The following MINK1 variants were observed in gnomAD, a reference collection of about 807,000 sequenced individuals.
MINK1 encodes the protein misshapen-like kinase 1.
Under a neutral mutation model 178.4 loss-of-function variants are expected in MINK1, and 46 were observed. The observed-to-expected ratio is 0.26, with a 90% confidence interval of 0.20 to 0.33. MINK1 has a LOEUF of 0.33. MINK1 is among the 10% of genes least tolerant of loss of function. The probability of loss-of-function intolerance (pLI) is 1.00; values close to 1 mark genes in which losing one functional copy is unlikely to be tolerated. For synonymous variants in MINK1, 797 were observed against 709.7 expected (o/e 1.12, Z -1.96); for missense variants, 1,366 against 1,814.9 (o/e 0.75, Z 4.49).
In MINK1 at chr17:4,836,027, T is replaced by C. The variant is rs1909258955; in HGVS notation, c.57+2387T>C. On this transcript the variant is annotated intron_variant, in intron 1 of 31. Coordinates refer to ENST00000355280, the MANE Select transcript of MINK1 (RefSeq NM_153827.5). This position sits in a 1 kb window ranked among gnomAD's most constrained non-coding sequence, Gnocchi z 4.3. Reference sequence around the variant, plus strand: ...GACATGGGGCTAGCCAGGGCCTACCTTCTCCCTGCTGCAGACCTTTTCTCA... The same window carrying C: ...GACATGGGGCTAGCCAGGGCCTACCCTCTCCCTGCTGCAGACCTTTTCTCA... Among the ~76,000 whole-genome samples, 2 of 152,158 alleles carry C rather than the reference T, an allele frequency of 1.3e-5. No individual in the cohort carries two copies. Among genetic ancestry groups the C allele is most frequent in the African/African-American group, 4.8e-5 (2 of 41,442 alleles).
chr17:4,862,797 C>T (rs573240004), intron 1 of MINK1, among the ~76,000 whole-genome samples: 3 of 152,176 alleles, frequency 2.0e-5, no homozygotes, highest in Non-Finnish European at 2.9e-5. Flanking sequence ...TTTGTGTGTC[C>T]GAGGCAGCAG....
chr17:4,894,442 G>T lies in MINK1; in HGVS notation c.2809-83G>T. The T allele has an allele frequency of 6.6e-7, 1 of 1,520,572 alleles. No homozygotes were observed. The highest frequency in any genetic ancestry group is 8.9e-7 in the Non-Finnish European group (1 of 1,119,636). 94.2% of individuals were successfully genotyped at this position (1,520,572 alleles called of 1,614,324 possible). A position where few individuals can be genotyped will look rare whatever the true frequency, so the allele number is the denominator to read the frequency against. ...GGACAGCGGGGGTGCCAGTTGGGGA[G>T]CTGGAGCCTGGGGAACAGCAGCAGG... is the stretch of plus-strand genomic sequence containing the variant. On this transcript the variant is annotated intron_variant, in intron 23 of 31. Transcript: ENST00000355280. This position sits in a 1 kb window ranked among gnomAD's most constrained non-coding sequence, Gnocchi z 4.1.
In MINK1 at chr17:4,852,754, G is replaced by A. The variant is rs1169617343; in HGVS notation, c.57+19114G>A. On this transcript the variant is annotated intron_variant, in intron 1 of 31. Coordinates refer to ENST00000355280, the MANE Select transcript of MINK1 (RefSeq NM_153827.5). The stretch of plus-strand genomic sequence containing the variant: ...GAGGGAGACAGAATCTACTGGGTGG[G>A]GGGGGTGTGATTTGTGGGGGAGTGT... Among the ~76,000 whole-genome samples the A allele has an allele frequency of 2.5e-4, 13 of 52,186 alleles. 1 individual carries two copies. Among genetic ancestry groups the A allele is most frequent in the African/African-American group, 1.1e-3 (12 of 10,796 alleles). 34.2% of individuals were successfully genotyped at this position (52,186 alleles called of 152,430 possible). A position where few individuals can be genotyped will look rare whatever the true frequency, so the allele number is the denominator to read the frequency against.
Position 4,896,656 on chromosome 17 carries a change from C to G in MINK1, c.3776-18C>G. ...CCCCGGGGTGCAGCCTGCTCAGCCC[C>G]TCACCTGTTCCCCACAGCCTACATC... On this transcript the variant is annotated intron_variant, in intron 30 of 31. Coordinates refer to ENST00000355280, the MANE Select transcript of MINK1 (RefSeq NM_153827.5). This position sits in a 1 kb window ranked among gnomAD's most constrained non-coding sequence, Gnocchi z 4.6. 1 of 1,604,950 alleles carries G rather than the reference C, an allele frequency of 6.2e-7. No homozygotes were observed.
At chr17:4,893,272 G>A in intron 20 of MINK1, 162 bp from the exon 21 acceptor site, 1 of 1,613,722 alleles carries the variant, frequency 6.2e-7, no homozygotes, top group South Asian at 1.1e-5. Context: ...TTCTTCCCCT[G>A]CGGCCCCTCC....
At chr17:4,863,195 G>A (rs554949004) in intron 1 of MINK1, among the ~76,000 whole-genome samples, 114 of 152,286 alleles carry the variant, frequency 7.5e-4, no homozygotes, top group Admixed American at 2.7e-3. Flanking sequence ...TGGTAACAGC[G>A]GGGGATAGCT....
At chr17:4,889,213 CCT>C (rs1968523713) in intron 12 of MINK1, among the ~76,000 whole-genome samples, 1 of 152,164 alleles carries the variant, frequency 6.6e-6, no homozygotes, top group Non-Finnish European at 1.5e-5. Flanking sequence ...GGGCCAGGTC[CCT>C]CTTTTCTGTG....
intron 1 of MINK1, among the ~76,000 whole-genome samples, chr17:4,860,534 A>G (rs1200675435): frequency 1.3e-5 from 2 of 152,208 alleles, no homozygotes; most frequent in African/African-American, 4.8e-5. Flanking sequence ...TACTACTACT[A>G]CACTAACATG....
rs1968213192 is a variant in MINK1, at chr17:4,886,482, T to C, written c.805T>C (p.Cys269Arg). Reference protein sequence around the residue: ...SKKFIDFIDTCLIKTYLSRPP... With the variant: ...SKKFIDFIDTRLIKTYLSRPP... The stretch of plus-strand genomic sequence containing the variant: ...GAAGTTCATTGACTTCATTGACACA[T>C]GTCTCATCAAGACTTACCTGAGCCG... Residue 269 changes from cysteine to arginine, a missense_variant, in exon 10 of 32, where the codon TGT (cysteine) becomes CGT (arginine). By Grantham distance (180) the Cys-to-Arg change is radical (BLOSUM62 -3). Coordinates refer to ENST00000355280, the MANE Select transcript of MINK1 (RefSeq NM_153827.5). This position sits in a 1 kb window ranked among gnomAD's most constrained non-coding sequence, Gnocchi z 6.1. The C allele has an allele frequency of 6.2e-7, 1 of 1,611,722 alleles. No homozygotes were observed. Among genetic ancestry groups the C allele is most frequent in the Admixed American group, 1.7e-5 (1 of 59,632 alleles).
intron 1 of MINK1, among the ~76,000 whole-genome samples, chr17:4,866,743 G>T (rs1915039020): frequency 6.6e-6 from 1 of 152,054 alleles, no homozygotes; most frequent in South Asian, 2.1e-4. Context: ...CTGCACTCCA[G>T]CCTGGGTGAC....
At chr17:4,865,997 G>A (rs1914903494) in intron 1 of MINK1, among the ~76,000 whole-genome samples, 1 of 152,192 alleles carries the variant, frequency 6.6e-6, no homozygotes, top group South Asian at 2.1e-4. Flanking sequence ...AATTGTAGAG[G>A]TTATTAATGT....
At position 4,887,864 on chromosome 17, in the gene MINK1, A is replaced by G. The variant is rs552296890; in HGVS notation, c.1230+74A>G. 367 of 1,248,274 alleles carry G rather than the reference A, an allele frequency of 2.9e-4. No homozygotes were observed. The African/African-American group carries it at 5.1e-3, about 17-fold the overall frequency. The allele number at this position is 1,248,274 out of a possible 1,614,324, so 77.3% of individuals were successfully genotyped here. A position where few individuals can be genotyped will look rare whatever the true frequency, so the allele number is the denominator to read the frequency against. On this transcript the variant is annotated intron_variant, in intron 12 of 31. Transcript: ENST00000355280. This position sits in a 1 kb window ranked among gnomAD's most constrained non-coding sequence, Gnocchi z 7.6. ...TGCCCCGGGTCCATTAGGGCCTTGG[A>G]GAACAGGTTTTAAAATGCCTTAAAT... is the stretch of plus-strand genomic sequence containing the variant.
Position 4,833,741 on chromosome 17 carries a change from A to T in MINK1, c.57+101A>T. 1 of 1,028,822 alleles carries T rather than the reference A, an allele frequency of 9.7e-7. No individual in the cohort carries two copies. The highest frequency in any genetic ancestry group is 3.7e-5 in the Admixed American group (1 of 27,368). The allele number at this position is 1,028,822 out of a possible 1,614,324, so 63.7% of individuals were successfully genotyped here. A position where few individuals can be genotyped will look rare whatever the true frequency, so the allele number is the denominator to read the frequency against. On this transcript the variant is annotated intron_variant, in intron 1 of 31. Coordinates refer to ENST00000355280, the MANE Select transcript of MINK1 (RefSeq NM_153827.5). This position sits in a 1 kb window ranked among gnomAD's most constrained non-coding sequence, Gnocchi z 4.8. The stretch of plus-strand genomic sequence containing the variant: ...TCACGTGCTCCCGGGCGCCCCCTCC[A>T]CCAGCTTGGGTCCCCTTGGCGACCC...
Position 4,885,511 on chromosome 17 carries a change from C to T in MINK1, c.537C>T (p.Asp179=). Reference sequence around the variant, plus strand: ...ATTTTGGGGTGAGTGCTCAGCTGGACCGCACCGTGGGCAGACGGAACACTT... The same window carrying T: ...ATTTTGGGGTGAGTGCTCAGCTGGATCGCACCGTGGGCAGACGGAACACTT... ...LVDFGVSAQL[D]RTVGRRNTFI... Residue 179 remains aspartate (D), a synonymous_variant, in exon 7 of 32, where the codon GAC becomes GAT. Transcript: ENST00000355280. This position sits in a 1 kb window ranked among gnomAD's most constrained non-coding sequence, Gnocchi z 5.0. The T allele has an allele frequency of 6.2e-7, 1 of 1,613,912 alleles. No homozygotes were observed. The highest frequency in any genetic ancestry group is 2.2e-5 in the East Asian group (1 of 44,878).
Position 4,884,536 on chromosome 17 carries a change from G to T in MINK1, c.417+63G>T. 7 of 1,246,034 alleles carry T rather than the reference G, an allele frequency of 5.6e-6. No homozygotes were observed. In the South Asian group the frequency reaches 8.5e-5, roughly 15 times the overall value. The allele number at this position is 1,246,034 out of a possible 1,614,324, so 77.2% of individuals were successfully genotyped here. On this transcript the variant is annotated intron_variant, in intron 5 of 31. Transcript: ENST00000355280. ...TACCCTGGCTGGAGTTTCTCCATGA[G>T]CAAAGATCCTCCCTGCGCTGGGAGG...
In MINK1 at chr17:4,833,569, T is replaced by C. The variant is rs1298689856; in HGVS notation, c.-15T>C. 7 of 1,495,102 alleles carry C rather than the reference T, an allele frequency of 4.7e-6. No individual in the cohort carries two copies. In the African/African-American group the frequency reaches 7.3e-5, roughly 16 times the overall value. 92.6% of individuals were successfully genotyped at this position (1,495,102 alleles called of 1,614,324 possible). A position where few individuals can be genotyped will look rare whatever the true frequency, so the allele number is the denominator to read the frequency against. On this transcript the variant is annotated 5_prime_UTR_variant, in exon 1 of 32. Coordinates refer to ENST00000355280, the MANE Select transcript of MINK1 (RefSeq NM_153827.5). The surrounding 1 kb of genome is among the most constrained non-coding windows in gnomAD (Gnocchi z 4.8). ...GAGCGTGAGCGGCCCCGGTGCCCCG[T>C]TCCCCACGGAGGCCATGGGCGACCC...
chr17:4,841,710 C>T (rs1910251772), intron 1 of MINK1, among the ~76,000 whole-genome samples: 1 of 152,110 alleles, frequency 6.6e-6, no homozygotes, highest in Non-Finnish European at 1.5e-5. Flanking sequence ...ATGCTGAGCA[C>T]ACAGTAGGGG....
At position 4,892,514 on chromosome 17, in the gene MINK1, T is replaced by C; in HGVS notation, c.2198+2T>C. On this transcript the variant is annotated splice_donor_variant, in intron 18 of 31. Coordinates refer to ENST00000355280, the MANE Select transcript of MINK1 (RefSeq NM_153827.5). LOFTEE classifies it high-confidence loss of function. Reference sequence around the variant, plus strand: ...CCCTGGCCCGCCCAACGCCTCTAGGTAATAGAGTTGTCCCCCAACTCACTC... The same window carrying C: ...CCCTGGCCCGCCCAACGCCTCTAGGCAATAGAGTTGTCCCCCAACTCACTC... 1.3e-6 allele frequency: 2 copies of C among 1,551,872 alleles called. No individual in the cohort carries two copies. The highest frequency in any genetic ancestry group is 1.7e-6 in the Non-Finnish European group (2 of 1,144,536).
chr17:4,896,677 A>G lies in MINK1; in HGVS notation c.3779A>G (p.Tyr1260Cys), dbSNP rs1424013724. The G allele has an allele frequency of 6.2e-7, 1 of 1,601,300 alleles. No individual in the cohort carries two copies. Among genetic ancestry groups the G allele is most frequent in the Non-Finnish European group, 8.5e-7 (1 of 1,172,470 alleles). ...GCCCCTCACCTGTTCCCCACAGCCT[A>G]CATCTGCTCCAACCAGATAATGGGC... is the stretch of plus-strand genomic sequence containing the variant. Reference protein sequence around the residue: ...QWGEMPTSVAYICSNQIMGWG... With the variant: ...QWGEMPTSVACICSNQIMGWG... The change falls in exon 31 of 32, where the codon TAC becomes TGC. Residue 1260 changes from tyrosine (Y) to cysteine (C), a missense_variant. Transcript: ENST00000355280. The surrounding 1 kb of genome is among the most constrained non-coding windows in gnomAD (Gnocchi z 4.6).
Sources: allele counts gnomAD v4.1 joint callset (sites outside exome capture counted in the v4.1 genomes callset), GRCh38; gene constraint gnomAD v4.1.1; non-coding constraint Gnocchi (gnomAD v3.1); transcripts MANE v1.5; gene names NCBI Gene and HGNC (gene_info 2026-07-23, HGNC 2026-07-21).